ARHGAP42: variants seen among roughly 807,000 people sequenced by gnomAD.
ARHGAP42 encodes rho GTPase-activating protein 42.
ARHGAP42 carries 63 observed loss-of-function variants against 125.0 expected under a neutral mutation model. The observed-to-expected ratio is 0.50, with a 90% CI of 0.41 to 0.62. The LOEUF (loss-of-function observed/expected upper bound fraction) is 0.62, where lower values mean the gene tolerates loss of function less well. ARHGAP42 is among the 20% of genes least tolerant of loss of function. The probability of loss-of-function intolerance (pLI) is 0.00; values close to 1 mark genes in which losing one functional copy is unlikely to be tolerated. For synonymous variants in ARHGAP42, 339 were observed against 351.0 expected (o/e 0.97, Z 0.38); for missense variants, 766 against 1,024.2 (o/e 0.75, Z 3.44).
At chr11:100,735,800 GGA>G (rs1862055728) in intron 1 of ARHGAP42, among the ~76,000 whole-genome samples, 1 of 151,706 alleles carries the variant, frequency 6.6e-6, no homozygotes, top group African/African-American at 2.4e-5. Context: ...AGTAGAGATG[GGA>G]TTTCACTGTT....
chr11:100,807,039 G>A (rs1384580830), intron 3 of ARHGAP42, among the ~76,000 whole-genome samples: 1 of 152,076 alleles, frequency 6.6e-6, no homozygotes. Flanking sequence ...ATAGAGACGG[G>A]GTTTCACCGT....
At chr11:100,892,871 T>A (rs532358467) in intron 4 of ARHGAP42, among the ~76,000 whole-genome samples, 1 of 152,116 alleles carries the variant, frequency 6.6e-6, no homozygotes, top group African/African-American at 2.4e-5. Flanking sequence ...TACTAAAGAG[T>A]TGAAAAATTC....
intron 3 of ARHGAP42, among the ~76,000 whole-genome samples, chr11:100,834,761 G>A (rs1845158666): frequency 6.6e-6 from 1 of 151,514 alleles, no homozygotes; most frequent in African/African-American, 2.4e-5. Context: ...TGAACAGAGG[G>A]ATGGAGGAGG....
At chr11:100,821,163 T>C (rs1327599494) in intron 3 of ARHGAP42, among the ~76,000 whole-genome samples, 1 of 151,956 alleles carries the variant, frequency 6.6e-6, no homozygotes, top group East Asian at 1.9e-4. Flanking sequence ...TAAAAGGAGA[T>C]GGAGAGAGAT....
chr11:100,706,780 T>G (rs1861487814), intron 1 of ARHGAP42, among the ~76,000 whole-genome samples: 1 of 152,168 alleles, frequency 6.6e-6, no homozygotes, highest in Non-Finnish European at 1.5e-5. Flanking sequence ...GCCATAAAAT[T>G]TACCCTTTTA....
At chr11:100,936,061 T>A (rs1011796001) in intron 7 of ARHGAP42, 142 bp from the exon 8 acceptor site, 1 of 980,798 alleles carries the variant, frequency 1.0e-6, no homozygotes, top group Non-Finnish European at 1.5e-6. Context: ...AGGTCAAGGC[T>A]GCAGTGAGCC....
chr11:100,810,305 A>G (rs559968928), intron 3 of ARHGAP42, among the ~76,000 whole-genome samples: 25 of 152,360 alleles, frequency 1.6e-4, no homozygotes, highest in African/African-American at 5.8e-4. Context: ...TCCCCTGACT[A>G]TACTAGACAA....
rs1256094553 is a variant in ARHGAP42 at position 100,921,229 on chromosome 11, ATATATATATATATATATTTTTTTTTTTT to A, written c.487-263_487-236del. ...TATATATATACATATATATATATAT[ATATATATATATATATATTTTTTTTTTTT>A]TTTTTTTTTTTTTTTTACTGCAATG... On this transcript the variant is annotated intron_variant, in intron 5 of 23. Transcript: ENST00000298815. Among the ~76,000 whole-genome samples the A allele has an allele frequency of 3.2e-3, 190 of 58,548 alleles. 1 individual carries two copies. The highest frequency in any genetic ancestry group is 5.0e-3 in the Non-Finnish European group (162 of 32,646). The allele number at this position is 58,548 out of a possible 152,430, so 38.4% of individuals were successfully genotyped here.
chr11:100,858,021 C>T (rs1352822865), intron 3 of ARHGAP42, among the ~76,000 whole-genome samples: 1 of 151,492 alleles, frequency 6.6e-6, no homozygotes, highest in Admixed American at 6.6e-5. Context: ...CTGTCTTTCC[C>T]CTTATGCAAA....
At chr11:100,919,746 G>A (rs761262085) in intron 5 of ARHGAP42, among the ~76,000 whole-genome samples, 2 of 152,050 alleles carry the variant, frequency 1.3e-5, no homozygotes, top group African/African-American at 4.8e-5. Context: ...AATAACTTGT[G>A]GAATAGAATA....
At chr11:100,929,163 A>T (rs1421658327) in intron 6 of ARHGAP42, among the ~76,000 whole-genome samples, 1 of 152,122 alleles carries the variant, frequency 6.6e-6, no homozygotes, top group Non-Finnish European at 1.5e-5. Context: ...AACCTGTTCC[A>T]CTTCAGATCA....
chr11:100,886,650 A>G (rs1264935249), intron 4 of ARHGAP42, among the ~76,000 whole-genome samples: 2 of 152,324 alleles, frequency 1.3e-5, no homozygotes, highest in Non-Finnish European at 2.9e-5. Flanking sequence ...GTTACATATT[A>G]TTGCAATAAT....
intron 3 of ARHGAP42, among the ~76,000 whole-genome samples, chr11:100,806,880 C>G (rs113261582): frequency 0.013 from 1,886 of 148,058 alleles, 50 homozygotes; most frequent in African/African-American, 0.043. Context: ...ACAAGTCTCA[C>G]TTTGTTGCCC....
At chr11:100,953,660 C>T (rs1361609535) in intron 12 of ARHGAP42, among the ~76,000 whole-genome samples, 1 of 152,102 alleles carries the variant, frequency 6.6e-6, no homozygotes, top group Non-Finnish European at 1.5e-5. Flanking sequence ...TCTTAATTTA[C>T]CATTTTCAAA....
At chr11:100,765,343 T>G (rs1380779270) in intron 1 of ARHGAP42, among the ~76,000 whole-genome samples, 1 of 150,510 alleles carries the variant, frequency 6.6e-6, no homozygotes, top group Non-Finnish European at 1.5e-5. Context: ...TTATTTAAGG[T>G]CTATGGGCAA....
At chr11:100,877,930 G>A (rs113181324) in intron 4 of ARHGAP42, among the ~76,000 whole-genome samples, 1,753 of 149,964 alleles carry the variant, frequency 0.012, 41 homozygotes, top group African/African-American at 0.04. Flanking sequence ...ACTTGAACTC[G>A]GGAGGCGGAG....
At chr11:100,765,298 C>G (rs1484584273) in intron 1 of ARHGAP42, among the ~76,000 whole-genome samples, 1 of 152,204 alleles carries the variant, frequency 6.6e-6, no homozygotes, top group African/African-American at 2.4e-5. Flanking sequence ...CCTACACACT[C>G]AATCCAAACT....
chr11:100,810,289 C>CT (rs1448732584), intron 3 of ARHGAP42, among the ~76,000 whole-genome samples: 3 of 152,120 alleles, frequency 2.0e-5, no homozygotes, highest in African/African-American at 4.8e-5. Context: ...AACCAACATT[C>CT]TTTTTTCCCC....
intron 3 of ARHGAP42, among the ~76,000 whole-genome samples, chr11:100,818,582 A>G (rs778669020): frequency 2.0e-5 from 3 of 151,990 alleles, no homozygotes; most frequent in Non-Finnish European, 4.4e-5. Context: ...CCAGGGAGAA[A>G]GGACTGTTCA....
Sources: allele counts gnomAD v4.1 joint callset (sites outside exome capture counted in the v4.1 genomes callset), GRCh38; gene constraint gnomAD v4.1.1; transcripts MANE v1.5; gene names NCBI Gene and HGNC (gene_info 2026-07-23, HGNC 2026-07-21).